The following GRM8 variants were observed in gnomAD, a reference collection of about 807,000 sequenced individuals.
GRM8 encodes metabotropic glutamate receptor 8.
GRM8 carries 47 observed loss-of-function variants against 87.2 expected under a neutral mutation model. The ratio of observed to expected loss-of-function variants is 0.54; its 90% CI spans 0.43 to 0.69. The LOEUF is 0.69. GRM8 is among the 30% of genes least tolerant of loss of function. The pLI is 0.00. For missense variants in GRM8, 1,019 were observed against 1,139.2 expected, an observed-to-expected ratio of 0.89 and a Z score of 1.52; for synonymous variants, 396 against 404.5, an observed-to-expected ratio of 0.98 and a Z score of 0.25.
chr7:126,667,355 G>T (rs1245932207), intron 7 of GRM8, among the ~76,000 whole-genome samples: 2 of 152,102 alleles, frequency 1.3e-5, no homozygotes, highest in South Asian at 2.1e-4. Flanking sequence ...GCTTAATTGG[G>T]GTGTCACTGT....
chr7:126,714,323 T>TAATAATAATAAA (rs1347371617), intron 7 of GRM8, among the ~76,000 whole-genome samples: 8 of 141,176 alleles, frequency 5.7e-5, no homozygotes, highest in African/African-American at 2.1e-4. Flanking sequence ...ATAATAATAA[T>TAATAATAATAAA]AAATAGTATC....
chr7:126,605,674 C>T (rs1048874835), intron 8 of GRM8, among the ~76,000 whole-genome samples: 3 of 152,122 alleles, frequency 2.0e-5, no homozygotes, highest in Non-Finnish European at 4.4e-5. Flanking sequence ...CAATAACTGA[C>T]TGATAAATGC....
rs71177555 is a variant in GRM8, at chr7:126,453,070, A to AACACACAC, written c.2431-6706_2431-6699dup. Among the ~76,000 whole-genome samples, 42 of 146,056 alleles carry AACACACAC rather than the reference A, an allele frequency of 2.9e-4. 1 individual carries two copies. Among genetic ancestry groups the AACACACAC allele is most frequent in the Middle Eastern group, 3.4e-3 (1 of 290 alleles). ...CAAGACTTTTAGCCTTTATAGCAGA[A>AACACACAC]ACACACACACACACACACACACACA... On this transcript the variant is annotated intron_variant, in intron 9 of 10. Transcript: ENST00000339582.
At chr7:127,094,582 C>T (rs916252471) in intron 3 of GRM8, among the ~76,000 whole-genome samples, 36 of 152,154 alleles carry the variant, frequency 2.4e-4, no homozygotes, top group Non-Finnish European at 2.8e-4. Context: ...GAAGCAAGGA[C>T]AGAGGCTGGA....
At chr7:126,495,308 A>G (rs2150663702) in intron 9 of GRM8, among the ~76,000 whole-genome samples, 1 of 152,142 alleles carries the variant, frequency 6.6e-6, no homozygotes, top group South Asian at 2.1e-4. Flanking sequence ...TAACTGGCAA[A>G]GTCAGACCAG....
chr7:126,871,221 A>G (rs958019731), intron 6 of GRM8, among the ~76,000 whole-genome samples: 2 of 152,168 alleles, frequency 1.3e-5, no homozygotes, highest in Non-Finnish European at 2.9e-5. Flanking sequence ...ACAAAAATGA[A>G]TAGAATCGTT....
At chr7:126,667,891 T>C (rs185355568) in intron 7 of GRM8, among the ~76,000 whole-genome samples, 1 of 152,288 alleles carries the variant, frequency 6.6e-6, no homozygotes, top group Non-Finnish European at 1.5e-5. Flanking sequence ...AAGAGCAACA[T>C]GTGGCCACGG....
At chr7:126,711,556 A>G (rs534230126) in intron 7 of GRM8, among the ~76,000 whole-genome samples, 43 of 152,360 alleles carry the variant, frequency 2.8e-4, no homozygotes, top group Non-Finnish European at 4.7e-4. Flanking sequence ...TAGCTGCATT[A>G]GCCCCTAACA....
At chr7:126,725,673 A>C (rs1036043874) in intron 7 of GRM8, among the ~76,000 whole-genome samples, 2 of 152,212 alleles carry the variant, frequency 1.3e-5, no homozygotes, top group African/African-American at 4.8e-5. Context: ...GGGACTGGGT[A>C]ATTTAAAAAG....
intron 3 of GRM8, among the ~76,000 whole-genome samples, chr7:127,088,975 A>T (rs1823784816): frequency 6.6e-6 from 1 of 152,200 alleles, no homozygotes; most frequent in Non-Finnish European, 1.5e-5. Context: ...AGCGAAGCAC[A>T]TCCTTTCCAC....
chr7:126,565,172 G>A (rs2402817), intron 8 of GRM8, among the ~76,000 whole-genome samples: 116,241 of 152,068 alleles, frequency 0.76, 44,809 homozygotes, highest in East Asian at 0.94. Context: ...TCTATTCAAC[G>A]TGGTAATGGA....
intron 9 of GRM8, among the ~76,000 whole-genome samples, chr7:126,471,909 C>T (rs1301245252): frequency 1.3e-5 from 2 of 152,136 alleles, no homozygotes; most frequent in Non-Finnish European, 2.9e-5. Context: ...TCCTTCACGT[C>T]CCTTGTGAGT....
chr7:126,502,630 A>G (rs2150702952), intron 9 of GRM8, among the ~76,000 whole-genome samples: 1 of 152,216 alleles, frequency 6.6e-6, no homozygotes, highest in Non-Finnish European at 1.5e-5. Context: ...ACAATTATAT[A>G]GTACAAACTA....
At chr7:127,171,227 G>A (rs988544047) in intron 2 of GRM8, among the ~76,000 whole-genome samples, 1 of 152,118 alleles carries the variant, frequency 6.6e-6, no homozygotes, top group Admixed American at 6.5e-5. Context: ...ATGAGAAGTC[G>A]CTTCTTATGG....
At chr7:126,654,742 G>A (rs1037063168) in intron 7 of GRM8, among the ~76,000 whole-genome samples, 1 of 152,036 alleles carries the variant, frequency 6.6e-6, no homozygotes, top group Non-Finnish European at 1.5e-5. Context: ...CATCTCCCAG[G>A]CACAATTTTA....
chr7:126,542,856 CATA>C (rs1816705625), intron 8 of GRM8, among the ~76,000 whole-genome samples: 1 of 152,090 alleles, frequency 6.6e-6, no homozygotes, highest in South Asian at 2.1e-4. Flanking sequence ...GAAATATTGC[CATA>C]ATGTCAGGCA....
At chr7:127,098,594 A>G (rs541554718) in intron 3 of GRM8, among the ~76,000 whole-genome samples, 1 of 152,272 alleles carries the variant, frequency 6.6e-6, no homozygotes, top group South Asian at 2.1e-4. Flanking sequence ...AAAAACTATC[A>G]AACTTTTTGG....
At chr7:126,897,493 G>A (rs1387322961) in intron 6 of GRM8, among the ~76,000 whole-genome samples, 2 of 151,936 alleles carry the variant, frequency 1.3e-5, no homozygotes, top group Non-Finnish European at 2.9e-5. Flanking sequence ...AGAGGATGAA[G>A]ATGCAATTCT....
chr7:126,768,044 A>G (rs887850063), intron 7 of GRM8, among the ~76,000 whole-genome samples: 2 of 152,044 alleles, frequency 1.3e-5, no homozygotes, highest in Admixed American at 6.6e-5. Context: ...ATAAGACCTC[A>G]CATGGTATTC....
Sources: gnomAD v4.1 joint callset for allele counts (sites outside exome capture counted in the v4.1 genomes callset) on GRCh38, gnomAD v4.1.1 for gene constraint, MANE v1.5 for transcripts, NCBI Gene and HGNC (gene_info 2026-07-23, HGNC 2026-07-21) for gene names.